The following STIM1 variants were observed in gnomAD, a reference collection of about 807,000 sequenced individuals.
The protein encoded by STIM1 is stromal interaction molecule 1.
A neutral mutation model predicts 74.7 loss-of-function variants in STIM1; 25 were observed. That is an observed-to-expected ratio of 0.33 (90% CI 0.24 to 0.47). The LOEUF (loss-of-function observed/expected upper bound fraction) is 0.47, where lower values mean the gene tolerates loss of function less well. Among genes scored for constraint, STIM1 ranks in the 20% least tolerant of loss-of-function variants. The pLI is 1.00. For missense variants in STIM1, 728 were observed against 920.8 expected, an observed-to-expected ratio of 0.79 and a Z score of 2.71; for synonymous variants, 328 against 348.8, an observed-to-expected ratio of 0.94 and a Z score of 0.66.
At chr11:3,955,268 A>T (rs1358921749) in intron 1 of STIM1, among the ~76,000 whole-genome samples, 1 of 152,218 alleles carries the variant, frequency 6.6e-6, no homozygotes, top group Non-Finnish European at 1.5e-5. Context: ...TTCTGGGGTG[A>T]TGGAAAGGTT....
chr11:3,916,472 C>T (rs1265971769), intron 1 of STIM1, among the ~76,000 whole-genome samples: 5 of 135,958 alleles, frequency 3.7e-5, no homozygotes, highest in African/African-American at 5.7e-5. Flanking sequence ...TTTTTTTTGA[C>T]GAAGTCTCAC....
At chr11:3,974,396 C>A (rs1423659486) in intron 2 of STIM1, among the ~76,000 whole-genome samples, 1 of 151,672 alleles carries the variant, frequency 6.6e-6, no homozygotes, top group African/African-American at 2.4e-5. Context: ...TATAATCAGG[C>A]CAGTTGTGGT....
chr11:4,034,718 A>C (rs2094084631), intron 3 of STIM1, among the ~76,000 whole-genome samples: 1 of 152,164 alleles, frequency 6.6e-6, no homozygotes, highest in Non-Finnish European at 1.5e-5. Context: ...ATTTGATAGA[A>C]TTCAGCAGTG....
At chr11:3,973,630 G>C (rs2093417065) in intron 2 of STIM1, among the ~76,000 whole-genome samples, 1 of 152,054 alleles carries the variant, frequency 6.6e-6, no homozygotes, top group African/African-American at 2.4e-5. Context: ...GAACTCCTGG[G>C]CAAGTGATCC....
chr11:4,062,064 A>T (rs989118702), intron 5 of STIM1, among the ~76,000 whole-genome samples: 1 of 152,240 alleles, frequency 6.6e-6, no homozygotes, highest in African/African-American at 2.4e-5. Context: ...AGATAGAGGT[A>T]GTGGTTGCAT....
At chr11:3,860,038 A>G (rs1350064185) in intron 1 of STIM1, among the ~76,000 whole-genome samples, 7 of 152,232 alleles carry the variant, frequency 4.6e-5, no homozygotes, top group Non-Finnish European at 8.8e-5. Context: ...AACAAAACAG[A>G]CATGTTCCTT....
intron 1 of STIM1, among the ~76,000 whole-genome samples, chr11:3,952,162 C>T (rs551847135): frequency 1.2e-4 from 18 of 152,146 alleles, no homozygotes; most frequent in South Asian, 4.2e-4. Flanking sequence ...GCCTGTAATC[C>T]CAGCACTTTG....
chr11:4,031,353 A>AAAT (rs2094048783), intron 3 of STIM1, among the ~76,000 whole-genome samples: 1 of 152,220 alleles, frequency 6.6e-6, no homozygotes. Context: ...AGCTGCTATG[A>AAAT]ACATTCACAT....
intron 1 of STIM1, among the ~76,000 whole-genome samples, chr11:3,932,384 T>C (rs1160788080): frequency 6.6e-6 from 1 of 152,120 alleles, no homozygotes; most frequent in East Asian, 1.9e-4. Flanking sequence ...CCCAGAGGGC[T>C]GGGTGTGGTG....
At chr11:4,006,057 G>T (rs539599278) in intron 2 of STIM1, among the ~76,000 whole-genome samples, 107 of 152,266 alleles carry the variant, frequency 7.0e-4, no homozygotes, top group African/African-American at 2.5e-3. Flanking sequence ...ACCAAATCTC[G>T]TGTTGAATTG....
intron 3 of STIM1, among the ~76,000 whole-genome samples, chr11:4,028,572 C>G (rs909934451): frequency 1.3e-5 from 2 of 151,668 alleles, no homozygotes; most frequent in Non-Finnish European, 2.9e-5. Context: ...CCACGCCCGG[C>G]TAATTTTTGT....
At position 4,091,672 on chromosome 11, in the gene STIM1, T is replaced by A. The variant is rs200481624; in HGVS notation, c.2025T>A (p.Ile675=). Residue 675 remains isoleucine, a synonymous_variant, in exon 13 of 13, where the codon ATT becomes ATA. Coordinates refer to ENST00000526596, the MANE Select transcript of STIM1 (RefSeq NM_001382567.1). ...RALQASRNTR[I]PHLAGKKAVA... The stretch of plus-strand genomic sequence containing the variant: ...TGCAAGCCAGCCGAAACACACGCAT[T>A]CCCCACCTGGCTGGCAAGAAGGCTG... 1 of 1,613,992 alleles carries A rather than the reference T, an allele frequency of 6.2e-7. No individual in the cohort carries two copies. Among genetic ancestry groups the A allele is most frequent in the Non-Finnish European group, 8.5e-7 (1 of 1,180,022 alleles).
At chr11:3,918,545 GAA>G (rs1565115123) in intron 1 of STIM1, among the ~76,000 whole-genome samples, 7 of 37,532 alleles carry the variant, frequency 1.9e-4, no homozygotes, top group Non-Finnish European at 4.7e-4. Flanking sequence ...AAAAAAAAAA[GAA>G]AGAAAGAAAG....
At chr11:3,944,405 C>T (rs2093047312) in intron 1 of STIM1, among the ~76,000 whole-genome samples, 1 of 152,016 alleles carries the variant, frequency 6.6e-6, no homozygotes, top group Non-Finnish European at 1.5e-5. Context: ...TCTGGAGGCA[C>T]CAAGGGAGGG....
At position 4,004,728 on chromosome 11, in the gene STIM1, T is replaced by G. The variant is rs575618252; in HGVS notation, c.271-19145T>G. Among the ~76,000 whole-genome samples the G allele has an allele frequency of 1.2e-3, 186 of 150,576 alleles. 1 individual carries two copies. Among genetic ancestry groups the G allele is most frequent in the African/African-American group, 4.3e-3 (174 of 40,940 alleles). Reference sequence around the variant, plus strand: ...AAGCAATGGCAACAAAAGCCAAAATTGACAAATGGGATCTAATTAAACTAA... The same window carrying G: ...AAGCAATGGCAACAAAAGCCAAAATGGACAAATGGGATCTAATTAAACTAA... On this transcript the variant is annotated intron_variant, in intron 2 of 12. Coordinates refer to ENST00000526596, the MANE Select transcript of STIM1 (RefSeq NM_001382567.1).
chr11:4,003,978 C>T (rs1029100587), intron 2 of STIM1, among the ~76,000 whole-genome samples: 3 of 152,168 alleles, frequency 2.0e-5, no homozygotes, highest in African/African-American at 7.2e-5. Flanking sequence ...CATGAGTGAA[C>T]TCCCATTTGC....
At chr11:3,876,634 C>T (rs1027450537) in intron 1 of STIM1, among the ~76,000 whole-genome samples, 2 of 152,142 alleles carry the variant, frequency 1.3e-5, no homozygotes, top group East Asian at 3.8e-4. Flanking sequence ...GTCTCGAACT[C>T]CTGGGCTCAA....
chr11:4,092,145 T>C lies in STIM1; in HGVS notation c.*347T>C. 1 of 370,834 alleles carries C rather than the reference T, an allele frequency of 2.7e-6. No homozygotes were observed. The allele number at this position is 370,834 out of a possible 1,614,324, so 23.0% of individuals were successfully genotyped here. ...GTCCCAGTTTTGAGGTTTGGTTTCT[T>C]GTTTCTGTCTCTTGCTTTCGGGCTC... On this transcript the variant is annotated 3_prime_UTR_variant, in exon 13 of 13. Transcript: ENST00000526596.
chr11:3,887,611 A>T (rs1354303643), intron 1 of STIM1, among the ~76,000 whole-genome samples: 1 of 152,202 alleles, frequency 6.6e-6, no homozygotes, highest in African/African-American at 2.4e-5. Context: ...GAGGTACAGA[A>T]TGCTACTTTT....
Sources: gnomAD v4.1 joint callset for allele counts (sites outside exome capture counted in the v4.1 genomes callset) on GRCh38, gnomAD v4.1.1 for gene constraint, MANE v1.5 for transcripts, NCBI Gene and HGNC (gene_info 2026-07-23, HGNC 2026-07-21) for gene names.